Variants in HDLBP observed in about 807,000 individuals in gnomAD.
HDLBP encodes high density lipoprotein binding protein, also known as vigilin.
In HDLBP, 30 loss-of-function variants were observed where a neutral mutation model predicts 137.3. The observed-to-expected ratio is 0.22, with a 90% CI of 0.16 to 0.30. HDLBP has a LOEUF of 0.30. Among genes scored for constraint, HDLBP ranks in the 10% least tolerant of loss-of-function variants. HDLBP has a pLI of 1.00. For missense variants in HDLBP, 1,119 were observed against 1,667.3 expected, an observed-to-expected ratio of 0.67 and a Z score of 5.73; for synonymous variants, 606 against 596.0, an observed-to-expected ratio of 1.02 and a Z score of -0.24.
chr2:241,235,862 G>A (rs1180976973), intron 21 of HDLBP, among the ~76,000 whole-genome samples: 1 of 152,170 alleles, frequency 6.6e-6, no homozygotes, highest in African/African-American at 2.4e-5. Flanking sequence ...GCCCACGTAG[G>A]AGGAGAGGCC....
At chr2:241,236,314 C>T (rs886392354) in intron 21 of HDLBP, 1 of 402,520 alleles carries the variant, frequency 2.5e-6, no homozygotes, top group Non-Finnish European at 4.5e-6. Flanking sequence ...CACATTCATC[C>T]CCCTGCAGCT....
Position 241,272,187 on chromosome 2 carries a change from C to G in HDLBP, c.-102-3646G>C. On this transcript the variant is annotated intron_variant, in intron 1 of 27. Transcript: ENST00000310931. This position sits in a 1 kb window ranked among gnomAD's most constrained non-coding sequence, Gnocchi z 5.6. ...CACGTAGACTGACGCGGGCCCCGCG[C>G]GGCAGGTGGAGGTGCTGCGGGGGCC... 7 of 985,166 alleles carry G rather than the reference C, an allele frequency of 7.1e-6. No individual in the cohort carries two copies. Among genetic ancestry groups the G allele is most frequent in the Non-Finnish European group, 8.4e-6 (7 of 829,718 alleles). The allele number at this position is 985,166 out of a possible 1,614,324, so 61.0% of individuals were successfully genotyped here. A position where few individuals can be genotyped will look rare whatever the true frequency, so the allele number is the denominator to read the frequency against.
At chr2:241,292,648 A>G (rs1381702756) in intron 1 of HDLBP, among the ~76,000 whole-genome samples, 1 of 152,218 alleles carries the variant, frequency 6.6e-6, no homozygotes, top group Non-Finnish European at 1.5e-5. Context: ...GGTGACTAAA[A>G]GTCTGAGATT....
At chr2:241,308,573 A>G (rs191575588) in intron 1 of HDLBP, among the ~76,000 whole-genome samples, 2 of 152,280 alleles carry the variant, frequency 1.3e-5, no homozygotes, top group East Asian at 3.9e-4. Context: ...CTCCCCCAAA[A>G]GGTAATTGTG....
In HDLBP at chr2:241,299,410, G is replaced by A. The variant is rs542728290; in HGVS notation, c.-103+16160C>T. On this transcript the variant is annotated intron_variant, in intron 1 of 27. Coordinates refer to ENST00000310931, the MANE Select transcript of HDLBP (RefSeq NM_005336.6). ...CGTGCATCTGTAGTACCAGCTACTC[G>A]GGAGGCTGAGGCAGGAGAATCACTA... Among the ~76,000 whole-genome samples the A allele has an allele frequency of 1.3e-3, 198 of 150,882 alleles. 1 individual carries two copies. Among genetic ancestry groups the A allele is most frequent in the Non-Finnish European group, 1.6e-3 (109 of 67,772 alleles).
chr2:241,256,829 G>A (rs771886483), intron 5 of HDLBP, 23 bp from the exon 6 acceptor site: 14 of 1,592,746 alleles, frequency 8.8e-6, no homozygotes, highest in Non-Finnish European at 1.2e-5. Flanking sequence ...GAGAATAAAA[G>A]AAAACAAGAA....
intron 1 of HDLBP, among the ~76,000 whole-genome samples, chr2:241,303,024 C>T (rs56129392): frequency 0.11 from 17,403 of 152,220 alleles, 1,224 homozygotes; most frequent in Admixed American, 0.16. Context: ...GACTAACACG[C>T]AGCACAACCA....
At chr2:241,257,477 C>A (rs980641624) in intron 5 of HDLBP, among the ~76,000 whole-genome samples, 1 of 152,170 alleles carries the variant, frequency 6.6e-6, no homozygotes, top group African/African-American at 2.4e-5. Flanking sequence ...GTGATCCGCC[C>A]ACCTCAGCCT....
chr2:241,289,456 C>T (rs1468517645), intron 1 of HDLBP, among the ~76,000 whole-genome samples: 1 of 152,212 alleles, frequency 6.6e-6, no homozygotes, highest in African/African-American at 2.4e-5. Context: ...ACAAGCACAA[C>T]GTCCCCACCA....
At chr2:241,296,162 G>A (rs1321031268) in intron 1 of HDLBP, among the ~76,000 whole-genome samples, 10 of 150,410 alleles carry the variant, frequency 6.6e-5, no homozygotes, top group Admixed American at 5.3e-4. Flanking sequence ...ACAAAGCAAT[G>A]GTAATTAGCA....
intron 10 of HDLBP, 125 bp from the exon 11 acceptor site, chr2:241,253,160 GC>G: frequency 1.4e-6 from 1 of 694,586 alleles, no homozygotes; most frequent in Non-Finnish European, 2.6e-6. Context: ...GTTGGAGACT[GC>G]CCCTGCATCT....
chr2:241,257,761 C>A (rs2072778560), intron 5 of HDLBP, among the ~76,000 whole-genome samples: 4 of 152,028 alleles, frequency 2.6e-5, no homozygotes, highest in Admixed American at 2.6e-4. Context: ...CAAAAATGAA[C>A]AAGAAAACCC....
rs2070105605 is a variant in HDLBP at position 241,234,034 on chromosome 2, C to T, written c.3145-71G>A. 6.4e-6 allele frequency: 10 copies of T among 1,561,660 alleles called. No homozygotes were observed. The South Asian group carries it at 1.1e-4, about 18-fold the overall frequency. Reference sequence around the variant, plus strand: ...ACCCTGTGACTCCATTCCCCTTCCACCCTGGTCATAGGACACTGGAGATGC... The same window carrying T: ...ACCCTGTGACTCCATTCCCCTTCCATCCTGGTCATAGGACACTGGAGATGC... On this transcript the variant is annotated intron_variant, in intron 23 of 27. Transcript: ENST00000310931.
chr2:241,272,684 C>T lies in HDLBP; in HGVS notation c.-102-4143G>A, dbSNP rs2074192026. On this transcript the variant is annotated intron_variant, in intron 1 of 27. Transcript: ENST00000310931. The surrounding 1 kb of genome is among the most constrained non-coding windows in gnomAD (Gnocchi z 5.6). ...CGGCCTCCACGTCAGCAGCCACCCC[C>T]CACCCCCCCGCCCGGCAGCCCGCCC... 3.9e-6 allele frequency: 3 copies of T among 776,964 alleles called. No homozygotes were observed. The highest frequency in any genetic ancestry group is 4.6e-6 in the Non-Finnish European group (3 of 645,822). 48.1% of individuals were successfully genotyped at this position (776,964 alleles called of 1,614,324 possible). A position where few individuals can be genotyped will look rare whatever the true frequency, so the allele number is the denominator to read the frequency against.
At chr2:241,252,759 T>A (rs1034323157) in intron 11 of HDLBP, among the ~76,000 whole-genome samples, 198 bp downstream of exon 11, 2 of 152,152 alleles carry the variant, frequency 1.3e-5, no homozygotes, top group African/African-American at 4.8e-5. Flanking sequence ...GCCAAGCAGC[T>A]CTAATCCAAC....
intron 1 of HDLBP, among the ~76,000 whole-genome samples, chr2:241,285,542 A>G (rs2074772202): frequency 6.6e-6 from 1 of 152,184 alleles, no homozygotes; most frequent in Admixed American, 6.5e-5. Flanking sequence ...TGTGCCCTGA[A>G]CACCGATCCC....
chr2:241,293,548 C>T (rs1438520399), intron 1 of HDLBP, among the ~76,000 whole-genome samples: 1 of 150,526 alleles, frequency 6.6e-6, no homozygotes, highest in East Asian at 2.0e-4. Flanking sequence ...GGAGGTTGAG[C>T]CTGCAGTGAG....
Position 241,242,623 on chromosome 2 carries a change from A to G in HDLBP, c.2006T>C (p.Ile669Thr), listed in dbSNP as rs376700640. The G allele has an allele frequency of 1.1e-5, 17 of 1,614,058 alleles. No individual in the cohort carries two copies. Among genetic ancestry groups the G allele is most frequent in the African/African-American group, 2.7e-5 (2 of 74,936 alleles). Residue 669 changes from isoleucine to threonine, a missense_variant, in exon 17 of 28, where the codon ATT becomes ACT. This residue lies in a region of HDLBP where 425 missense variants were observed against 693.9 expected (regional missense o/e 0.61). Coordinates refer to ENST00000310931, the MANE Select transcript of HDLBP (RefSeq NM_005336.6). ...GCGGATCAGACGGCCCTTGGTGCCAATGAGGGAGTTGTGCAGCTTGGCAGG... is the reference window on the plus strand; with the variant it reads ...GCGGATCAGACGGCCCTTGGTGCCAGTGAGGGAGTTGTGCAGCTTGGCAGG... The part of the protein sequence containing the change: ...SIPAKLHNSL[I>T]GTKGRLIRSI...
Position 241,272,807 on chromosome 2 carries a change from C to T in HDLBP, c.-102-4266G>A, listed in dbSNP as rs1341234525. 21 of 279,238 alleles carry T rather than the reference C, an allele frequency of 7.5e-5. No individual in the cohort carries two copies. Among genetic ancestry groups the T allele is most frequent in the African/African-American group, 3.9e-4 (17 of 43,482 alleles). The allele number at this position is 279,238 out of a possible 1,614,324, so 17.3% of individuals were successfully genotyped here. On this transcript the variant is annotated intron_variant, in intron 1 of 27. Coordinates refer to ENST00000310931, the MANE Select transcript of HDLBP (RefSeq NM_005336.6). The surrounding 1 kb of genome is among the most constrained non-coding windows in gnomAD (Gnocchi z 5.6). ...TCCTGCCGCTGGCTTACTCGCCCCC[C>T]GCGCGGGAGAAGCCGGGACGCTCCG... is the stretch of plus-strand genomic sequence containing the variant.
Sources: gnomAD v4.1 joint callset for allele counts (sites outside exome capture counted in the v4.1 genomes callset) on GRCh38, gnomAD v4.1.1 for gene constraint, gnomAD v4.1.1 regional missense constraint, Gnocchi (gnomAD v3.1) non-coding constraint, MANE v1.5 for transcripts, NCBI Gene and HGNC (gene_info 2026-07-23, HGNC 2026-07-21) for gene names.